Variants in UGT3A1 observed in about 807,000 individuals in gnomAD.
UGT3A1 encodes the protein UDP-glycosyltransferase 3A1.
Under a neutral mutation model 37.6 loss-of-function variants are expected in UGT3A1, and 40 were observed. The observed-to-expected ratio is 1.06, with a 90% confidence interval of 0.83 to 1.38. The LOEUF is 1.38. Ranked by LOEUF, UGT3A1 falls within the 40% of genes most tolerant of loss-of-function variation. UGT3A1 has a pLI of 0.00. For missense variants in UGT3A1, 642 were observed against 634.2 expected (o/e 1.01, Z -0.13); for synonymous variants, 256 against 232.3 (o/e 1.10, Z -0.93).
At chr5:35,993,615 A>G (rs562532213), upstream of UGT3A1, among the ~76,000 whole-genome samples, 1 of 152,304 alleles carries the variant, frequency 6.6e-6, no homozygotes, top group African/African-American at 2.4e-5. Flanking sequence ...GGAGAAAGGC[A>G]TAGACCTATC....
chr5:35,981,931 T>A (rs944480150), intron 2 of UGT3A1, among the ~76,000 whole-genome samples: 40 of 152,328 alleles, frequency 2.6e-4, no homozygotes, highest in African/African-American at 8.4e-4. Flanking sequence ...CCTTGGGGCA[T>A]GGCACCCCTA....
chr5:35,976,230 T>C (rs1021242467), intron 2 of UGT3A1, among the ~76,000 whole-genome samples: 5 of 152,204 alleles, frequency 3.3e-5, no homozygotes, highest in African/African-American at 1.2e-4. Flanking sequence ...AGAAAGAAGT[T>C]ACTGTACTGA....
chr5:35,971,728 C>G (rs777076466), intron 2 of UGT3A1, among the ~76,000 whole-genome samples: 2 of 152,126 alleles, frequency 1.3e-5, no homozygotes, highest in Non-Finnish European at 2.9e-5. Context: ...AACCCCAGCT[C>G]TCAGCCAGAG....
intron 6 of UGT3A1, chr5:35,954,691 T>C (rs1164462757): frequency 1.2e-5 from 7 of 586,554 alleles, no homozygotes; most frequent in Non-Finnish European, 2.1e-5. Context: ...CAAAGACCAA[T>C]GATTAATTCT....
chr5:35,959,161 C>T (rs1432746753), intron 4 of UGT3A1, among the ~76,000 whole-genome samples: 6 of 152,074 alleles, frequency 3.9e-5, no homozygotes, highest in Admixed American at 1.3e-4. Context: ...GACACATAAC[C>T]AAAAAATACC....
intron 2 of UGT3A1, among the ~76,000 whole-genome samples, chr5:35,979,838 G>C (rs1235772192): frequency 6.6e-6 from 1 of 152,172 alleles, no homozygotes; most frequent in East Asian, 1.9e-4. Context: ...CACATAGCTG[G>C]GGAGGCCCCA....
intron 4 of UGT3A1, among the ~76,000 whole-genome samples, chr5:35,959,762 C>T (rs950170811): frequency 7.2e-5 from 11 of 151,938 alleles, no homozygotes; most frequent in African/African-American, 2.7e-4. Context: ...TGGCAGATAA[C>T]ATGATTCTAT....
At position 35,965,844 on chromosome 5, in the gene UGT3A1, C is replaced by A; in HGVS notation, c.385G>T (p.Asp129Tyr). 6.2e-7 allele frequency: 1 copy of A among 1,612,300 alleles called. No homozygotes were observed. The highest frequency in any genetic ancestry group is 8.5e-7 in the Non-Finnish European group (1 of 1,179,516). Reference sequence around the variant, plus strand: ...TCATTCTTTAAGGAATCCATTATATCCTTTCTGCTTAGCAAATAACTACAT... The same window carrying A: ...TCATTCTTTAAGGAATCCATTATATACTTTCTGCTTAGCAAATAACTACAT... ...TQCSYLLSRK[D>Y]IMDSLKNENY... The change falls in exon 4 of 7, where the codon GAT (aspartate) becomes TAT (tyrosine). Residue 129 changes from aspartate (D) to tyrosine (Y), a missense_variant. By Grantham distance (160) the Asp-to-Tyr change is radical. Transcript: ENST00000274278.
chr5:35,977,277 C>T (rs530407578), intron 2 of UGT3A1, among the ~76,000 whole-genome samples: 4 of 152,118 alleles, frequency 2.6e-5, no homozygotes, highest in East Asian at 1.9e-4. Flanking sequence ...ATTTTAGTAA[C>T]GAATACAATA....
intron 2 of UGT3A1, among the ~76,000 whole-genome samples, chr5:35,982,434 G>C (rs1740562802): frequency 6.6e-6 from 1 of 152,246 alleles, no homozygotes; most frequent in Non-Finnish European, 1.5e-5. Context: ...GGAATCAAAG[G>C]AAATTATTTT....
At position 35,965,488 on chromosome 5, in the gene UGT3A1, C is replaced by T. The variant is rs984648891; in HGVS notation, c.741G>A (p.Trp247Ter). ...CAAAGGCAAAATCAGAGTTAACAAA[C>T]CACAACTCTGCTTTCAGTAGAAGAT... ...LSHLLLKAEL[W>*]FVNSDFAFDF... The change falls in exon 4 of 7, where the codon TGG becomes TGA. Residue 247 changes from tryptophan (W) to a stop codon, truncating the protein, a stop_gained. Transcript: ENST00000274278. LOFTEE classifies it high-confidence loss of function. The T allele has an allele frequency of 1.7e-5, 28 of 1,614,086 alleles. No homozygotes were observed. In the African/African-American group the frequency reaches 2.5e-4, roughly 15 times the overall value.
intron 2 of UGT3A1, among the ~76,000 whole-genome samples, chr5:35,975,208 A>G (rs913680356): frequency 6.6e-6 from 1 of 152,094 alleles, no homozygotes; most frequent in Admixed American, 6.6e-5. Flanking sequence ...GCAGGGATGG[A>G]GTTTATGTAT....
chr5:35,989,341 T>C (rs1367280160), intron 1 of UGT3A1, among the ~76,000 whole-genome samples: 1 of 152,146 alleles, frequency 6.6e-6, no homozygotes, highest in Non-Finnish European at 1.5e-5. Flanking sequence ...TAATATCTTC[T>C]CTTAGTGCAT....
chr5:35,998,460 A>G (rs1408596797), intron 1 of UGT3A1, among the ~76,000 whole-genome samples: 1 of 152,174 alleles, frequency 6.6e-6, no homozygotes, highest in African/African-American at 2.4e-5. Flanking sequence ...CATACTCAAG[A>G]TCTGTCAGCT....
Position 35,951,501 on chromosome 5 carries a change from G to C in UGT3A1, c.*2701C>G, listed in dbSNP as rs1322941593. 1 of 151,822 alleles carries C rather than the reference G, an allele frequency of 6.6e-6. No individual in the cohort carries two copies. Among genetic ancestry groups the C allele is most frequent in the East Asian group, 1.9e-4 (1 of 5,186 alleles). The allele number at this position is 151,822 out of a possible 1,614,324, so 9.4% of individuals were successfully genotyped here. On this transcript the variant is annotated 3_prime_UTR_variant, in exon 7 of 7. Transcript: ENST00000274278. ...CTCCATATTAGCTTATTCTGCTTTT[G>C]TTTATTGTAGTTTAAAGCTGAATAT...
chr5:35,990,888 T>C, intron 1 of UGT3A1: 6 of 1,298,962 alleles, frequency 4.6e-6, no homozygotes, highest in Non-Finnish European at 5.9e-6. Context: ...GCCCCAGTCC[T>C]GCGGGACGGG....
chr5:35,972,767 A>C (rs943012058), intron 2 of UGT3A1, among the ~76,000 whole-genome samples: 3 of 152,128 alleles, frequency 2.0e-5, no homozygotes, highest in Non-Finnish European at 4.4e-5. Context: ...GAGTATAATG[A>C]AGATAGCTGG....
chr5:35,998,095 A>G (rs1317761400), intron 1 of UGT3A1, among the ~76,000 whole-genome samples: 1 of 152,206 alleles, frequency 6.6e-6, no homozygotes, highest in Non-Finnish European at 1.5e-5. Context: ...AAAAAAATGA[A>G]CAACCTGATC....
chr5:35,993,042 G>C (rs1174974340), upstream of UGT3A1, among the ~76,000 whole-genome samples: 1 of 152,008 alleles, frequency 6.6e-6, no homozygotes, highest in Admixed American at 6.6e-5. Flanking sequence ...ATTTTTACAG[G>C]TGCAGTCACC....
Sources: allele counts gnomAD v4.1 joint callset (sites outside exome capture counted in the v4.1 genomes callset), GRCh38; gene constraint gnomAD v4.1.1; transcripts MANE v1.5; gene names NCBI Gene and HGNC (gene_info 2026-07-23, HGNC 2026-07-21).